Variants in PAMR1 observed in about 807,000 individuals in gnomAD.
The protein encoded by PAMR1 is peptidase domain containing associated with muscle regeneration 1.
PAMR1 carries 88 observed loss-of-function variants against 81.8 expected under a neutral mutation model. The observed-to-expected ratio is 1.08, with a 90% CI of 0.91 to 1.28. The LOEUF (loss-of-function observed/expected upper bound fraction) is 1.28, where lower values mean the gene tolerates loss of function less well. Among genes scored for constraint, PAMR1 ranks in the 50% most tolerant of loss-of-function variants. The pLI is 0.00. For missense variants in PAMR1, 935 were observed against 919.7 expected (o/e 1.02, Z -0.21); for synonymous variants, 336 against 345.3 (o/e 0.97, Z 0.30).
At chr11:35,491,295 A>G (rs556944428) in intron 3 of PAMR1, among the ~76,000 whole-genome samples, 1 of 152,170 alleles carries the variant, frequency 6.6e-6, no homozygotes, top group African/African-American at 2.4e-5. Flanking sequence ...TACCAACCAC[A>G]CTCCATCCTC....
At position 35,477,106 on chromosome 11, in the gene PAMR1, G is replaced by A. The variant is rs969865716; in HGVS notation, c.380-2362C>T. Among the ~76,000 whole-genome samples, 7 of 152,046 alleles carry A rather than the reference G, an allele frequency of 4.6e-5. 1 individual carries two copies. In the South Asian group the frequency reaches 1.2e-3, roughly 27 times the overall value. On this transcript the variant is annotated intron_variant, in intron 3 of 10. Coordinates refer to ENST00000619888, the MANE Select transcript of PAMR1 (RefSeq NM_001001991.3). ...CCTTCCTTGCTATCCAGCTAAAACA[G>A]GCCCTCCCAATTCTATGGTCAATAT...
Position 35,468,017 on chromosome 11 carries a change from C to T in PAMR1, c.804G>A (p.Gly268=), listed in dbSNP as rs1195223751. The T allele has an allele frequency of 3.2e-6, 5 of 1,559,288 alleles. No homozygotes were observed. Among genetic ancestry groups the T allele is most frequent in the Non-Finnish European group, 4.3e-6 (5 of 1,149,460 alleles). The change falls in exon 6 of 11, where the codon GGG becomes GGA. Residue 268 remains glycine, a synonymous_variant. Coordinates refer to ENST00000619888, the MANE Select transcript of PAMR1 (RefSeq NM_001001991.3). ...YKCACLAGYT[G]QRCENLLEER... is the part of the protein sequence containing the mutation. ...CATACTCACGATTTTCACAGCGCTG[C>T]CCAGTATAGCCTGCCAAGCAGGCAC...
At chr11:35,434,917 T>G in intron 9 of PAMR1, 113 bp from the exon 10 acceptor site, 1 of 962,706 alleles carries the variant, frequency 1.0e-6, no homozygotes, top group Non-Finnish European at 1.5e-6. Context: ...ATGGGCATGA[T>G]GACCACTAAG....
chr11:35,459,538 A>G (rs1024789499), intron 6 of PAMR1, among the ~76,000 whole-genome samples: 2 of 152,154 alleles, frequency 1.3e-5, no homozygotes, highest in African/African-American at 4.8e-5. Context: ...TTCATAGCCA[A>G]CTTCTCAAAC....
intron 8 of PAMR1, among the ~76,000 whole-genome samples, chr11:35,439,329 C>G (rs901762105): frequency 1.3e-5 from 2 of 152,328 alleles, no homozygotes; most frequent in East Asian, 3.9e-4. Flanking sequence ...CAGGAAGACT[C>G]AAGGATTCAA....
rs183850889 is a variant in PAMR1, at chr11:35,486,292, A to G, written c.379+5753T>C. Reference sequence around the variant, plus strand: ...GTAATTGAACAAGCAAAACTGAACCAACACAGATCGGATAGAATCTGACCA... The same window carrying G: ...GTAATTGAACAAGCAAAACTGAACCGACACAGATCGGATAGAATCTGACCA... On this transcript the variant is annotated intron_variant, in intron 3 of 10. Coordinates refer to ENST00000619888, the MANE Select transcript of PAMR1 (RefSeq NM_001001991.3). Among the ~76,000 whole-genome samples the G allele has an allele frequency of 3.6e-3, 554 of 152,326 alleles. 3 individuals carry two copies. The highest frequency in any genetic ancestry group is 0.013 in the African/African-American group (533 of 41,574).
At chr11:35,524,414 A>G (rs1470854296) in intron 1 of PAMR1, among the ~76,000 whole-genome samples, 3 of 152,156 alleles carry the variant, frequency 2.0e-5, no homozygotes, top group African/African-American at 7.2e-5. Flanking sequence ...GGATGTGCCT[A>G]TGGCTAAGTT....
chr11:35,522,113 A>G (rs10836410), intron 1 of PAMR1, among the ~76,000 whole-genome samples: 33,551 of 151,968 alleles, frequency 0.22, 3,904 homozygotes, highest in East Asian at 0.4. Flanking sequence ...TAGTAGAGAC[A>G]GGGTTTCACT....
rs1855920991 is a variant in PAMR1, at chr11:35,432,201, A to G, written c.*155T>C. ...ATCAGCCTACCAGCAATGGAGGTCT[A>G]CTCACCCTTCACTGAGTTTTGTCCC... On this transcript the variant is annotated 3_prime_UTR_variant, in exon 11 of 11. Coordinates refer to ENST00000619888, the MANE Select transcript of PAMR1 (RefSeq NM_001001991.3). 7 of 656,832 alleles carry G rather than the reference A, an allele frequency of 1.1e-5. No homozygotes were observed. Among genetic ancestry groups the G allele is most frequent in the Non-Finnish European group, 1.6e-5 (6 of 383,018 alleles). The allele number at this position is 656,832 out of a possible 1,614,324, so 40.7% of individuals were successfully genotyped here. A position where few individuals can be genotyped will look rare whatever the true frequency, so the allele number is the denominator to read the frequency against.
intron 6 of PAMR1, among the ~76,000 whole-genome samples, chr11:35,464,391 T>G (rs556204711): frequency 1.3e-5 from 2 of 152,370 alleles, no homozygotes; most frequent in East Asian, 3.9e-4. Context: ...CATACTTAAC[T>G]CACTTGTGTT....
At chr11:35,453,289 C>G (rs186267634) in intron 6 of PAMR1, 62 of 152,318 alleles carry the variant, frequency 4.1e-4, no homozygotes, top group Non-Finnish European at 6.9e-4. Flanking sequence ...ATTGTTGGGC[C>G]TATTCAAACA....
intron 1 of PAMR1, among the ~76,000 whole-genome samples, chr11:35,515,760 T>C (rs914567431): frequency 6.6e-6 from 1 of 152,130 alleles, no homozygotes; most frequent in Non-Finnish European, 1.5e-5. Flanking sequence ...CTCCTAAGGC[T>C]GGAAGGTGGA....
At chr11:35,473,293 C>T (rs1751428449) in intron 4 of PAMR1, among the ~76,000 whole-genome samples, 1 of 152,150 alleles carries the variant, frequency 6.6e-6, no homozygotes, top group Admixed American at 6.5e-5. Context: ...TCCATGACTC[C>T]CTAAGGCCCT....
intron 3 of PAMR1, among the ~76,000 whole-genome samples, chr11:35,475,865 G>T (rs12280498): frequency 0.016 from 2,492 of 152,222 alleles, 70 homozygotes; most frequent in African/African-American, 0.057. Context: ...TTACTATCCG[G>T]CTATTCACAT....
Position 35,501,798 on chromosome 11 carries a change from T to C in PAMR1, c.74-7526A>G, listed in dbSNP as rs191061264. Among the ~76,000 whole-genome samples the C allele has an allele frequency of 2.6e-4, 40 of 152,330 alleles. No homozygotes were observed. In the South Asian group the frequency reaches 3.7e-3, roughly 14 times the overall value. ...CGTATAAATAAATAATATTCCCTTA[T>C]ATATAGGCACCACATTTTCTTTCAC... On this transcript the variant is annotated intron_variant, in intron 1 of 10. Coordinates refer to ENST00000619888, the MANE Select transcript of PAMR1 (RefSeq NM_001001991.3).
chr11:35,435,108 A>G (rs1856007993), intron 9 of PAMR1, among the ~76,000 whole-genome samples: 1 of 152,204 alleles, frequency 6.6e-6, no homozygotes, highest in Non-Finnish European at 1.5e-5. Flanking sequence ...TGCCTGTAAA[A>G]TGGATAGAAC....
rs1210432389 is a variant in PAMR1, at chr11:35,493,701, A to T, written c.250+395T>A. ...CCATTCCCATCCATGTTGCCATAGT[A>T]CCCCATGCTTCTCTATCATAGCACT... On this transcript the variant is annotated intron_variant, in intron 2 of 10. Transcript: ENST00000619888. 3.3e-5 allele frequency among the ~76,000 whole-genome samples: 5 copies of T among 152,042 alleles called. No individual in the cohort carries two copies. The East Asian group carries it at 9.7e-4, about 29-fold the overall frequency.
chr11:35,525,782 T>C, upstream of PAMR1: 1 of 604,798 alleles, frequency 1.7e-6, no homozygotes, highest in Non-Finnish European at 2.9e-6. Flanking sequence ...AAACCTCTCC[T>C]CTCTGCTGCC....
rs574130484 is a variant in PAMR1, at chr11:35,480,952, G to C, written c.380-6208C>G. ...TCCCACTTATGAGTGAGAACATGTG[G>C]TGGTTGGTTTTCTGTTCCTGTGTTA... On this transcript the variant is annotated intron_variant, in intron 3 of 10. Coordinates refer to ENST00000619888, the MANE Select transcript of PAMR1 (RefSeq NM_001001991.3). Among the ~76,000 whole-genome samples, 4 of 152,288 alleles carry C rather than the reference G, an allele frequency of 2.6e-5. No homozygotes were observed. The East Asian group carries it at 7.7e-4, about 29-fold the overall frequency.
Sources: allele counts gnomAD v4.1 joint callset (sites outside exome capture counted in the v4.1 genomes callset), GRCh38; gene constraint gnomAD v4.1.1; transcripts MANE v1.5; gene names NCBI Gene and HGNC (gene_info 2026-07-23, HGNC 2026-07-21).